CLDN10: variants seen among roughly 807,000 people sequenced by gnomAD.
CLDN10 encodes the protein claudin 10.
In CLDN10, 15 loss-of-function variants were observed where a neutral mutation model predicts 22.9. That is an observed-to-expected ratio of 0.65 (90% CI 0.44 to 1.01). The LOEUF is 1.01. Among genes scored for constraint, CLDN10 ranks in the 50% least tolerant of loss-of-function variants. The pLI, the probability that CLDN10 is intolerant of heterozygous loss-of-function variation, is 0.00. For synonymous variants in CLDN10, 114 were observed against 111.4 expected, an observed-to-expected ratio of 1.02 and a Z score of -0.15; for missense variants, 247 against 287.8, an observed-to-expected ratio of 0.86 and a Z score of 1.03.
In CLDN10 at chr13:95,517,462, C is replaced by T. The variant is rs7336270; in HGVS notation, c.215-42670C>T. On this transcript the variant is annotated intron_variant, in intron 1 of 4. Coordinates refer to the CLDN10 transcript ENST00000376873. ...TTAAAAGCTAAACAAAAGCTTAGTT[C>T]CAAAGGGAACTAAGACACTGTAGTC... 6.0e-3 allele frequency among the ~76,000 whole-genome samples: 906 copies of T among 152,260 alleles called. 12 individuals carry two copies. The highest frequency in any genetic ancestry group is 0.021 in the African/African-American group (864 of 41,558).
rs73561514 is a variant in CLDN10, at chr13:95,440,314, A to T, written c.214+6267A>T. Among the ~76,000 whole-genome samples the T allele has an allele frequency of 5.8e-3, 883 of 152,348 alleles. 5 individuals are homozygous for T. Among genetic ancestry groups the T allele is most frequent in the African/African-American group, 0.02 (842 of 41,580 alleles). ...TTCTGAAACTAAGTTTCATTAAATA[A>T]ACTTAAGGTTAAATTTAATTTCAGA... On this transcript the variant is annotated intron_variant, in intron 1 of 4. Transcript: ENST00000376873.
At chr13:95,482,634 A>G (rs1400109019) in intron 1 of CLDN10, among the ~76,000 whole-genome samples, 8 of 152,172 alleles carry the variant, frequency 5.3e-5, no homozygotes, top group Non-Finnish European at 1.0e-4. Flanking sequence ...TCTCAGAACC[A>G]TCTGGATTGT....
intron 3 of CLDN10, among the ~76,000 whole-genome samples, chr13:95,570,858 G>GTATATATA (rs55861640): frequency 0.054 from 6,462 of 119,420 alleles, 396 homozygotes; most frequent in African/African-American, 0.13. Flanking sequence ...ATATACGTGT[G>GTATATATA]TATATATATA....
intron 1 of CLDN10, among the ~76,000 whole-genome samples, chr13:95,503,990 A>G (rs1004651566): frequency 6.6e-6 from 1 of 152,226 alleles, no homozygotes; most frequent in Non-Finnish European, 1.5e-5. Flanking sequence ...TGTTACCTGT[A>G]TTTTATCAGA....
chr13:95,440,725 C>T (rs979256157), intron 1 of CLDN10, among the ~76,000 whole-genome samples: 5 of 152,228 alleles, frequency 3.3e-5, no homozygotes, highest in African/African-American at 7.2e-5. Context: ...TGTACTGACA[C>T]AGTCATAACC....
At chr13:95,467,895 C>T (rs537393342) in intron 1 of CLDN10, among the ~76,000 whole-genome samples, 2 of 152,308 alleles carry the variant, frequency 1.3e-5, no homozygotes, top group Admixed American at 1.3e-4. Flanking sequence ...AACGTTGATG[C>T]TCCCTCTGGA....
At chr13:95,452,769 T>G (rs1206150552) in intron 1 of CLDN10, among the ~76,000 whole-genome samples, 1 of 152,230 alleles carries the variant, frequency 6.6e-6, no homozygotes, top group Non-Finnish European at 1.5e-5. Context: ...GGTGATTGGT[T>G]TGGAAATAGT....
At chr13:95,485,886 G>A (rs974207290) in intron 1 of CLDN10, among the ~76,000 whole-genome samples, 14 of 152,260 alleles carry the variant, frequency 9.2e-5, no homozygotes, top group African/African-American at 3.4e-4. Context: ...TCAGAATAAT[G>A]CTAGAATGTG....
At chr13:95,515,485 A>G (rs2043154143) in intron 1 of CLDN10, among the ~76,000 whole-genome samples, 1 of 152,152 alleles carries the variant, frequency 6.6e-6, no homozygotes, top group South Asian at 2.1e-4. Context: ...AGACAGAAAG[A>G]TGTTACACTC....
chr13:95,480,647 C>G (rs528745756), intron 1 of CLDN10, among the ~76,000 whole-genome samples: 1 of 152,294 alleles, frequency 6.6e-6, no homozygotes, highest in South Asian at 2.1e-4. Flanking sequence ...GAATGCAGAT[C>G]CCTTGGCTCC....
At chr13:95,490,636 G>C (rs990967219) in intron 1 of CLDN10, among the ~76,000 whole-genome samples, 1 of 152,156 alleles carries the variant, frequency 6.6e-6, no homozygotes, top group Admixed American at 6.5e-5. Flanking sequence ...CAGAGTGCTT[G>C]ATATAATTTC....
At chr13:95,445,120 G>A (rs113638206) in intron 1 of CLDN10, among the ~76,000 whole-genome samples, 1,759 of 152,334 alleles carry the variant, frequency 0.012, 39 homozygotes, top group African/African-American at 0.039. Flanking sequence ...TACTTCAGAG[G>A]ATGATGGTGA....
At chr13:95,551,811 C>A (rs2043569641), upstream of CLDN10, among the ~76,000 whole-genome samples, 1 of 152,036 alleles carries the variant, frequency 6.6e-6, no homozygotes, top group African/African-American at 2.4e-5. Context: ...TTTATGTTTA[C>A]CTTGAGACAG....
chr13:95,543,244 A>T (rs1290058742), intron 1 of CLDN10, among the ~76,000 whole-genome samples: 1 of 152,054 alleles, frequency 6.6e-6, no homozygotes, highest in Non-Finnish European at 1.5e-5. Flanking sequence ...AAAATAAATA[A>T]ATAAAATCCA....
chr13:95,490,888 T>C (rs4387474), intron 1 of CLDN10, among the ~76,000 whole-genome samples: 69,682 of 152,032 alleles, frequency 0.46, 16,742 homozygotes, highest in Non-Finnish European at 0.52. Context: ...GTGTTGCTGT[T>C]TATCTCATTT....
At chr13:95,520,617 C>T (rs938739763) in intron 1 of CLDN10, among the ~76,000 whole-genome samples, 8 of 152,162 alleles carry the variant, frequency 5.3e-5, no homozygotes, top group Non-Finnish European at 8.8e-5. Flanking sequence ...CGGTGATCCA[C>T]CCGCCTCAGC....
intron 1 of CLDN10, among the ~76,000 whole-genome samples, chr13:95,471,440 C>CACATATATATATAT (rs746573300): frequency 1.9e-5 from 2 of 104,402 alleles, no homozygotes; most frequent in Non-Finnish European, 3.7e-5. Flanking sequence ...CACACACACA[C>CACATATATATATAT]ATATATATAT....
At chr13:95,505,718 T>C (rs2043030689) in intron 1 of CLDN10, among the ~76,000 whole-genome samples, 1 of 151,530 alleles carries the variant, frequency 6.6e-6, no homozygotes, top group Non-Finnish European at 1.5e-5. Flanking sequence ...GACACATTTG[T>C]AATTTGGCTT....
At chr13:95,574,371 A>G (rs1474218723) in intron 3 of CLDN10, among the ~76,000 whole-genome samples, 1 of 152,224 alleles carries the variant, frequency 6.6e-6, no homozygotes, top group African/African-American at 2.4e-5. Context: ...TCATCTCCAA[A>G]TGGATACTGT....
Sources: allele counts gnomAD v4.1 joint callset (sites outside exome capture counted in the v4.1 genomes callset), GRCh38; gene constraint gnomAD v4.1.1; transcripts MANE v1.5; gene names NCBI Gene and HGNC (gene_info 2026-07-23, HGNC 2026-07-21).